CACNA2D3: variants seen among roughly 807,000 people sequenced by gnomAD.
CACNA2D3 encodes the protein calcium voltage-gated channel auxiliary subunit alpha2delta 3.
Under a neutral mutation model 160.6 loss-of-function variants are expected in CACNA2D3, and 60 were observed. The observed-to-expected ratio is 0.37, with a 90% confidence interval of 0.30 to 0.46. The LOEUF is 0.46. CACNA2D3 is among the 20% of genes least tolerant of loss of function. The pLI is 1.00. For missense variants in CACNA2D3, 1,205 were observed against 1,365.0 expected (o/e 0.88, Z 1.85); for synonymous variants, 558 against 492.9 (o/e 1.13, Z -1.75).
intron 9 of CACNA2D3, among the ~76,000 whole-genome samples, chr3:54,603,328 C>T (rs1703099481): frequency 6.6e-6 from 1 of 152,188 alleles, no homozygotes; most frequent in Admixed American, 6.5e-5. Flanking sequence ...GTTTTCAGTT[C>T]TTGTATTTTC....
intron 4 of CACNA2D3, among the ~76,000 whole-genome samples, chr3:54,388,144 A>G (rs978619030): frequency 5.3e-4 from 81 of 152,256 alleles, no homozygotes; most frequent in Non-Finnish European, 1.2e-4. Flanking sequence ...CAATGGTGGC[A>G]TACCCCAGAG....
chr3:54,571,839 T>C (rs1057026882), intron 8 of CACNA2D3, among the ~76,000 whole-genome samples: 27 of 152,304 alleles, frequency 1.8e-4, no homozygotes, highest in African/African-American at 6.5e-4. Flanking sequence ...TACTTTAGTC[T>C]GGGCATCAGC....
At chr3:54,602,991 GTTTA>G (rs1254432154) in intron 9 of CACNA2D3, among the ~76,000 whole-genome samples, 1 of 152,178 alleles carries the variant, frequency 6.6e-6, no homozygotes, top group African/African-American at 2.4e-5. Context: ...GTCTGCTGTT[GTTTA>G]GACATTCTCG....
intron 34 of CACNA2D3, among the ~76,000 whole-genome samples, chr3:55,014,701 C>T (rs1227701367): frequency 1.3e-5 from 2 of 152,150 alleles, no homozygotes; most frequent in Non-Finnish European, 2.9e-5. Flanking sequence ...CACTGTACTC[C>T]AGACTGGGTG....
chr3:54,216,111 A>G (rs574307546), intron 2 of CACNA2D3, among the ~76,000 whole-genome samples: 4 of 150,796 alleles, frequency 2.7e-5, no homozygotes, highest in South Asian at 2.2e-4. Flanking sequence ...ATCCTCTGAC[A>G]CTACCCTGCA....
At chr3:54,589,876 A>G (rs1702827866) in intron 9 of CACNA2D3, among the ~76,000 whole-genome samples, 1 of 152,216 alleles carries the variant, frequency 6.6e-6, no homozygotes, top group Non-Finnish European at 1.5e-5. Context: ...CAGAGTAACT[A>G]GAATAAAAAA....
At position 54,644,034 on chromosome 3, in the gene CACNA2D3, A is replaced by G. The variant is rs115128937; in HGVS notation, c.1167+1793A>G. On this transcript the variant is annotated intron_variant, in intron 11 of 37. Coordinates refer to ENST00000474759, the MANE Select transcript of CACNA2D3 (RefSeq NM_018398.3). ...TTTTCATGTGAGTCTCACATGTTGT[A>G]TCACATGAATCTTTCCCACTTGGTG... Among the ~76,000 whole-genome samples, 1,005 of 152,258 alleles carry G rather than the reference A, an allele frequency of 6.6e-3. 13 individuals carry two copies. The highest frequency in any genetic ancestry group is 0.023 in the African/African-American group (938 of 41,534).
chr3:54,269,291 G>A (rs1386186690), intron 2 of CACNA2D3, among the ~76,000 whole-genome samples: 1 of 151,972 alleles, frequency 6.6e-6, no homozygotes, highest in Admixed American at 6.6e-5. Context: ...GCTGGATCTA[G>A]TGTGTGGGCC....
chr3:54,279,364 G>A (rs572135343), intron 2 of CACNA2D3, among the ~76,000 whole-genome samples: 3 of 152,258 alleles, frequency 2.0e-5, no homozygotes, highest in East Asian at 3.9e-4. Flanking sequence ...AGGACCAAAC[G>A]GGATGGCCCT....
chr3:54,728,247 T>C (rs952687989), intron 11 of CACNA2D3, among the ~76,000 whole-genome samples: 6 of 152,192 alleles, frequency 3.9e-5, no homozygotes, highest in Non-Finnish European at 7.3e-5. Flanking sequence ...ATCCCATATT[T>C]ATTTTTTGCT....
rs138827725 is a variant in CACNA2D3 at position 54,726,381 on chromosome 3, T to A, written c.1168-26218T>A. ...AGTGCTATCCCCATCAAGCTACCACTGACTTTATTCACAGAATTGGAAAAA... is the reference window on the plus strand; with the variant it reads ...AGTGCTATCCCCATCAAGCTACCACAGACTTTATTCACAGAATTGGAAAAA... On this transcript the variant is annotated intron_variant, in intron 11 of 37. Transcript: ENST00000474759. 1.3e-4 allele frequency among the ~76,000 whole-genome samples: 20 copies of A among 152,314 alleles called. No individual in the cohort carries two copies. The East Asian group carries it at 3.9e-3, about 29-fold the overall frequency.
rs1701662554 is a variant in CACNA2D3, at chr3:54,225,947, C to T, written c.205-94495C>T. ...CTGAGACTAGGAGCAGTGAGTTCAC[C>T]TTCACCGGATTGGGGACTGAACTGA... On this transcript the variant is annotated intron_variant, in intron 2 of 37. Coordinates refer to ENST00000474759, the MANE Select transcript of CACNA2D3 (RefSeq NM_018398.3). Among the ~76,000 whole-genome samples the T allele has an allele frequency of 3.9e-5, 6 of 152,216 alleles. No homozygotes were observed. The South Asian group carries it at 1.0e-3, about 26-fold the overall frequency.
chr3:54,973,066 C>T (rs1041222396), intron 29 of CACNA2D3, among the ~76,000 whole-genome samples: 4 of 152,160 alleles, frequency 2.6e-5, no homozygotes, highest in Middle Eastern at 3.4e-3. Flanking sequence ...CGGTAGTCAG[C>T]GAAGGCTTCT....
chr3:54,169,691 G>A (rs530159707), intron 2 of CACNA2D3, among the ~76,000 whole-genome samples: 1 of 130,274 alleles, frequency 7.7e-6, no homozygotes, highest in African/African-American at 2.5e-5. Context: ...GTGTATGTGT[G>A]TGCATGTGTG....
rs113650314 is a variant in CACNA2D3 at position 54,576,210 on chromosome 3, A to G, written c.889-5593A>G. ...GAAAGCGGAATTGCTTTCATCTCTCAAGTTCAGCTTCTGACATTAGGTGGG... is the reference window on the plus strand; with the variant it reads ...GAAAGCGGAATTGCTTTCATCTCTCGAGTTCAGCTTCTGACATTAGGTGGG... On this transcript the variant is annotated intron_variant, in intron 8 of 37. Transcript: ENST00000474759. 3.0e-3 allele frequency among the ~76,000 whole-genome samples: 452 copies of G among 152,252 alleles called. 3 individuals are homozygous for G. The highest frequency in any genetic ancestry group is 5.3e-3 in the Non-Finnish European group (360 of 68,006).
intron 29 of CACNA2D3, among the ~76,000 whole-genome samples, chr3:54,972,442 C>A (rs1237420357): frequency 6.6e-6 from 1 of 152,160 alleles, no homozygotes; most frequent in Non-Finnish European, 1.5e-5. Flanking sequence ...ATGTGTCATT[C>A]TCTTTTTTGT....
At chr3:54,569,896 T>C in intron 7 of CACNA2D3, 41 bp downstream of exon 7, 1 of 1,612,782 alleles carries the variant, frequency 6.2e-7, no homozygotes. Flanking sequence ...CTCAAAGAGA[T>C]ATCTTGAAGA....
At chr3:54,803,298 G>C (rs1477525110) in intron 13 of CACNA2D3, among the ~76,000 whole-genome samples, 5 of 152,134 alleles carry the variant, frequency 3.3e-5, no homozygotes, top group African/African-American at 4.8e-5. Flanking sequence ...AGGCAAAGAA[G>C]TTGAAAACTT....
At chr3:54,152,745 A>C (rs1576962897) in intron 2 of CACNA2D3, among the ~76,000 whole-genome samples, 1 of 152,242 alleles carries the variant, frequency 6.6e-6, no homozygotes, top group Non-Finnish European at 1.5e-5. Flanking sequence ...TAGATATTTT[A>C]AAGTATAACT....
Sources: gnomAD v4.1 joint callset for allele counts (sites outside exome capture counted in the v4.1 genomes callset) on GRCh38, gnomAD v4.1.1 for gene constraint, MANE v1.5 for transcripts, NCBI Gene and HGNC (gene_info 2026-07-23, HGNC 2026-07-21) for gene names.